The following HDAC3 variants were observed in gnomAD, a reference collection of about 807,000 sequenced individuals.
The protein encoded by HDAC3 is histone deacetylase 3.
In HDAC3, 21 loss-of-function variants were observed where a neutral mutation model predicts 62.3. The observed-to-expected ratio is 0.34, with a 90% CI of 0.24 to 0.49. The LOEUF is 0.49. Among genes scored for constraint, HDAC3 ranks in the 20% least tolerant of loss-of-function variants. HDAC3 has a pLI of 0.99. For synonymous variants in HDAC3, 198 were observed against 206.5 expected, an observed-to-expected ratio of 0.96 and a Z score of 0.35; for missense variants, 270 against 556.9, an observed-to-expected ratio of 0.48 and a Z score of 5.19.
Position 141,628,417 on chromosome 5 carries a change from T to C in HDAC3, c.691+142A>G. On this transcript the variant is annotated intron_variant, in intron 8 of 14. Transcript: ENST00000305264. This position sits in a 1 kb window ranked among gnomAD's most constrained non-coding sequence, Gnocchi z 4.7. ...CATACACATGATATGTTGCATACAA[T>C]TTCCAGAGATTCATGGTCCCTCTGA... 1.3e-6 allele frequency: 1 copy of C among 770,152 alleles called. No homozygotes were observed. Among genetic ancestry groups the C allele is most frequent in the South Asian group, 1.5e-5 (1 of 65,282 alleles). The allele number at this position is 770,152 out of a possible 1,614,324, so 47.7% of individuals were successfully genotyped here.
rs936445080 is a variant in HDAC3 at position 141,626,428 on chromosome 5, T to G, written c.831-145A>C. On this transcript the variant is annotated intron_variant, in intron 10 of 14. Coordinates refer to ENST00000305264, the MANE Select transcript of HDAC3 (RefSeq NM_003883.4). The surrounding 1 kb of genome is among the most constrained non-coding windows in gnomAD (Gnocchi z 4.6). Reference sequence around the variant, plus strand: ...TAGTGAAATTCATTATGTTATACCCTTAAGATTTGGGTATACTTTATATGC... The same window carrying G: ...TAGTGAAATTCATTATGTTATACCCGTAAGATTTGGGTATACTTTATATGC... 45 of 671,450 alleles carry G rather than the reference T, an allele frequency of 6.7e-5. No individual in the cohort carries two copies. The highest frequency in any genetic ancestry group is 1.0e-4 in the Non-Finnish European group (39 of 382,936). The allele number at this position is 671,450 out of a possible 1,614,324, so 41.6% of individuals were successfully genotyped here. A position where few individuals can be genotyped will look rare whatever the true frequency, so the allele number is the denominator to read the frequency against.
rs1377276759 is a variant in HDAC3, at chr5:141,626,749, GA to G, written c.831-467del. On this transcript the variant is annotated intron_variant, in intron 10 of 14. Transcript: ENST00000305264. This position sits in a 1 kb window ranked among gnomAD's most constrained non-coding sequence, Gnocchi z 4.6. ...CAGAGCAAGACTCCATCTCAAAAAA[GA>G]AAAAAAAAAACATATATATGTGTGT... is the stretch of plus-strand genomic sequence containing the variant. Among the ~76,000 whole-genome samples, 30 of 114,914 alleles carry G rather than the reference GA, an allele frequency of 2.6e-4. No homozygotes were observed. The highest frequency in any genetic ancestry group is 3.2e-4 in the African/African-American group (10 of 30,830). The allele number at this position is 114,914 out of a possible 152,430, so 75.4% of individuals were successfully genotyped here. A position where few individuals can be genotyped will look rare whatever the true frequency, so the allele number is the denominator to read the frequency against.
Position 141,626,190 on chromosome 5 carries a change from T to C in HDAC3, c.920+4A>G. On this transcript the variant is annotated splice_donor_region_variant and intron_variant, in intron 11 of 14. Coordinates refer to ENST00000305264, the MANE Select transcript of HDAC3 (RefSeq NM_003883.4). The surrounding 1 kb of genome is among the most constrained non-coding windows in gnomAD (Gnocchi z 4.6). ...ACAGGGGAGGAAATCAGGAGAGTGC[T>C]CACCAGCAGCGGGCAACATTTCGGA... 1 of 1,613,456 alleles carries C rather than the reference T, an allele frequency of 6.2e-7. No homozygotes were observed.
chr5:141,634,798 A>G lies in HDAC3; in HGVS notation c.281+13T>C, dbSNP rs768184522. The G allele has an allele frequency of 9.9e-6, 16 of 1,612,386 alleles. No homozygotes were observed. Among genetic ancestry groups the G allele is most frequent in the Non-Finnish European group, 1.4e-5 (16 of 1,179,112 alleles). On this transcript the variant is annotated intron_variant, in intron 3 of 14. Coordinates refer to ENST00000305264, the MANE Select transcript of HDAC3 (RefSeq NM_003883.4). Reference sequence around the variant, plus strand: ...TAAACTGTTAGACATCAAAACTCCCAGTCCTCCCTCACCAGTCATCGCCTA... The same window carrying G: ...TAAACTGTTAGACATCAAAACTCCCGGTCCTCCCTCACCAGTCATCGCCTA...
In HDAC3 at chr5:141,636,814, C is replaced by A. The variant is rs1011643917; in HGVS notation, c.-24G>T. On this transcript the variant is annotated 5_prime_UTR_variant, in exon 1 of 15. Transcript: ENST00000305264. ...ATGGTGCCGGCGGGAGCAGGCCCCG[C>A]ACCTCCGCCGCCCGCCGCCCGCGGC... is the stretch of plus-strand genomic sequence containing the variant. 6 of 1,521,734 alleles carry A rather than the reference C, an allele frequency of 3.9e-6. No homozygotes were observed. The highest frequency in any genetic ancestry group is 2.6e-5 in the South Asian group (2 of 76,620). The allele number at this position is 1,521,734 out of a possible 1,614,324, so 94.3% of individuals were successfully genotyped here. A position where few individuals can be genotyped will look rare whatever the true frequency, so the allele number is the denominator to read the frequency against.
Position 141,625,896 on chromosome 5 carries a change from G to A in HDAC3, c.979+117C>T. Reference sequence around the variant, plus strand: ...TCTCTTCCCTGCTCTGAGCCCAGGGGTTTAGTCTGCAGAGCTCTGAGAGTG... The same window carrying A: ...TCTCTTCCCTGCTCTGAGCCCAGGGATTTAGTCTGCAGAGCTCTGAGAGTG... On this transcript the variant is annotated intron_variant, in intron 12 of 14. Coordinates refer to ENST00000305264, the MANE Select transcript of HDAC3 (RefSeq NM_003883.4). The surrounding 1 kb of genome is among the most constrained non-coding windows in gnomAD (Gnocchi z 4.0). 3.1e-6 allele frequency: 4 copies of A among 1,279,154 alleles called. No individual in the cohort carries two copies. The highest frequency in any genetic ancestry group is 4.6e-6 in the Non-Finnish European group (4 of 875,818). The allele number at this position is 1,279,154 out of a possible 1,614,324, so 79.2% of individuals were successfully genotyped here.
In HDAC3 at chr5:141,628,002, T is replaced by C. The variant is rs377700674; in HGVS notation, c.766-45A>G. ...AGGAAAGTGCAGTGATCAGAACTGA[T>C]CAGAACATCACAGATACCCCTTCCA... On this transcript the variant is annotated intron_variant, in intron 9 of 14. Transcript: ENST00000305264. This position sits in a 1 kb window ranked among gnomAD's most constrained non-coding sequence, Gnocchi z 4.7. The C allele has an allele frequency of 3.5e-5, 56 of 1,609,158 alleles. No individual in the cohort carries two copies. The highest frequency in any genetic ancestry group is 4.4e-5 in the Non-Finnish European group (52 of 1,175,662).
chr5:141,625,597 T>G lies in HDAC3; in HGVS notation c.1059+88A>C. 1 of 1,347,032 alleles carries G rather than the reference T, an allele frequency of 7.4e-7. No individual in the cohort carries two copies. The highest frequency in any genetic ancestry group is 1.1e-6 in the Non-Finnish European group (1 of 939,876). 83.4% of individuals were successfully genotyped at this position (1,347,032 alleles called of 1,614,324 possible). Reference sequence around the variant, plus strand: ...GTGATGGCTTAGAACTTCCTTCTCTTTGGTTTTTCCTACTTCCCACATCTT... The same window carrying G: ...GTGATGGCTTAGAACTTCCTTCTCTGTGGTTTTTCCTACTTCCCACATCTT... On this transcript the variant is annotated intron_variant, in intron 13 of 14. Coordinates refer to ENST00000305264, the MANE Select transcript of HDAC3 (RefSeq NM_003883.4). This position sits in a 1 kb window ranked among gnomAD's most constrained non-coding sequence, Gnocchi z 4.0.
Position 141,628,191 on chromosome 5 carries a change from G to A in HDAC3, c.692-4C>T. On this transcript the variant is annotated splice_region_variant and splice_polypyrimidine_tract_variant and intron_variant, in intron 8 of 14. Transcript: ENST00000305264. The surrounding 1 kb of genome is among the most constrained non-coding windows in gnomAD (Gnocchi z 4.7). ...GGCTGGAAAAGGTGCTTGTAACCTGGGAGAGGGCCAAAGATGGGCACCTGG... is the reference window on the plus strand; with the variant it reads ...GGCTGGAAAAGGTGCTTGTAACCTGAGAGAGGGCCAAAGATGGGCACCTGG... The A allele has an allele frequency of 6.2e-7, 1 of 1,613,962 alleles. No individual in the cohort carries two copies. The highest frequency in any genetic ancestry group is 1.3e-5 in the African/African-American group (1 of 75,006).
At chr5:141,630,704 C>T (rs2099905080) in intron 3 of HDAC3, among the ~76,000 whole-genome samples, 1 of 152,232 alleles carries the variant, frequency 6.6e-6, no homozygotes. Flanking sequence ...TGTATGACTC[C>T]ATTTATGTAA....
At position 141,635,008 on chromosome 5, in the gene HDAC3, T is replaced by G. The variant is rs41290607; in HGVS notation, c.139-55A>C. On this transcript the variant is annotated intron_variant, in intron 2 of 14. Coordinates refer to ENST00000305264, the MANE Select transcript of HDAC3 (RefSeq NM_003883.4). ...GCAGGGTCAGCCCCACTCCACAGGC[T>G]CAGACCACCCATACTGAACCCAGTC... 4.8e-3 allele frequency: 7,597 copies of G among 1,590,550 alleles called. 39 individuals are homozygous for G. Among genetic ancestry groups the G allele is most frequent in the Admixed American group, 8.8e-3 (518 of 58,618 alleles).
chr5:141,624,304 G>A (rs1199156228), intron 14 of HDAC3, among the ~76,000 whole-genome samples: 1 of 143,870 alleles, frequency 7.0e-6, no homozygotes. Context: ...GGAAGGCTGG[G>A]GCAGGAGGAC....
Position 141,636,737 on chromosome 5 carries a change from G to C in HDAC3, c.54C>G (p.Tyr18Ter). 1 of 1,614,032 alleles carries C rather than the reference G, an allele frequency of 6.2e-7. No individual in the cohort carries two copies. Among genetic ancestry groups the C allele is most frequent in the Non-Finnish European group, 8.5e-7 (1 of 1,179,914 alleles). Reference sequence around the variant, plus strand: ...TCATGCATATCCCTGTTTCCTCACCGTAGTGGAAGTTGCCCACGTCGGGGT... The same window carrying C: ...TCATGCATATCCCTGTTTCCTCACCCTAGTGGAAGTTGCCCACGTCGGGGT... ...FYDPDVGNFH[Y>*]GAGHPMKPHR... The change falls in exon 1 of 15, where the codon TAC (tyrosine) becomes TAG (stop). Residue 18 changes from tyrosine to a stop codon, truncating the protein, a stop_gained and splice_region_variant. Transcript: ENST00000305264. LOFTEE classifies it high-confidence loss of function.
chr5:141,625,578 G>A lies in HDAC3; in HGVS notation c.1059+107C>T. 8.2e-7 allele frequency: 1 copy of A among 1,216,308 alleles called. No homozygotes were observed. The highest frequency in any genetic ancestry group is 1.2e-6 in the Non-Finnish European group (1 of 827,684). 75.3% of individuals were successfully genotyped at this position (1,216,308 alleles called of 1,614,324 possible). ...CTAGTCAATAACAGTGACTGTGATGGCTTAGAACTTCCTTCTCTTTGGTTT... is the reference window on the plus strand; with the variant it reads ...CTAGTCAATAACAGTGACTGTGATGACTTAGAACTTCCTTCTCTTTGGTTT... On this transcript the variant is annotated intron_variant, in intron 13 of 14. Coordinates refer to ENST00000305264, the MANE Select transcript of HDAC3 (RefSeq NM_003883.4). This position sits in a 1 kb window ranked among gnomAD's most constrained non-coding sequence, Gnocchi z 4.0.
In HDAC3 at chr5:141,634,831, G is replaced by A; in HGVS notation, c.261C>T (p.Ala87=). The part of the protein sequence containing the change: ...NMQGFTKSLN[A]FNVGDDCPVF... Reference sequence around the variant, plus strand: ...CTCACCAGTCATCGCCTACGTTGAAGGCATTAAGACTCTTGGTGAAGCCTT... The same window carrying A: ...CTCACCAGTCATCGCCTACGTTGAAAGCATTAAGACTCTTGGTGAAGCCTT... The change falls in exon 3 of 15, where the codon GCC becomes GCT. Residue 87 remains alanine (A), a synonymous_variant. Coordinates refer to ENST00000305264, the MANE Select transcript of HDAC3 (RefSeq NM_003883.4). 1 of 1,613,920 alleles carries A rather than the reference G, an allele frequency of 6.2e-7. No individual in the cohort carries two copies.
chr5:141,636,308 G>C (rs933717137), intron 2 of HDAC3: 10 of 566,108 alleles, frequency 1.8e-5, no homozygotes. Context: ...CTAACCCTAG[G>C]CCAAGGGCTA....
chr5:141,626,627 C>A lies in HDAC3; in HGVS notation c.831-344G>T. ...GGTGCTCACGCCTTTGTAGTAGTCC[C>A]AGCTACTCAGGAGGCTGAGGCAGGA... is the stretch of plus-strand genomic sequence containing the variant. On this transcript the variant is annotated intron_variant, in intron 10 of 14. Transcript: ENST00000305264. The surrounding 1 kb of genome is among the most constrained non-coding windows in gnomAD (Gnocchi z 4.6). The A allele has an allele frequency of 3.4e-6, 1 of 293,740 alleles. No individual in the cohort carries two copies. The allele number at this position is 293,740 out of a possible 1,614,324, so 18.2% of individuals were successfully genotyped here.
rs777609471 is a variant in HDAC3 at position 141,636,637 on chromosome 5, G to A, written c.56-7C>T. 3 of 1,614,026 alleles carry A rather than the reference G, an allele frequency of 1.9e-6. No homozygotes were observed. Among genetic ancestry groups the A allele is most frequent in the South Asian group, 2.2e-5 (2 of 91,090 alleles). ...TTCATAGGGTGTCCAGCTCCTGGGG[G>A]TGGGGAGAAGAGAGTTCGTCAGCTC... is the stretch of plus-strand genomic sequence containing the variant. On this transcript the variant is annotated splice_region_variant and splice_polypyrimidine_tract_variant and intron_variant, in intron 1 of 14. Transcript: ENST00000305264.
intron 3 of HDAC3, among the ~76,000 whole-genome samples, chr5:141,633,492 A>T (rs1263197815): frequency 1.3e-5 from 2 of 152,158 alleles, no homozygotes; most frequent in African/African-American, 2.4e-5. Context: ...GATCTGCTTT[A>T]AAACAATCTA....
Sources: allele counts gnomAD v4.1 joint callset (sites outside exome capture counted in the v4.1 genomes callset), GRCh38; gene constraint gnomAD v4.1.1; non-coding constraint Gnocchi (gnomAD v3.1); transcripts MANE v1.5; gene names NCBI Gene and HGNC (gene_info 2026-07-23, HGNC 2026-07-21).